The following HECW1 variants were observed in gnomAD, a reference collection of about 807,000 sequenced individuals.
The protein encoded by HECW1 is HECT, C2 and WW domain containing E3 ubiquitin protein ligase 1.
In HECW1, 61 loss-of-function variants were observed where a neutral mutation model predicts 182.3. The observed-to-expected ratio is 0.33, with a 90% CI of 0.27 to 0.41. The LOEUF is 0.41. Ranked by LOEUF, HECW1 falls within the 10% of genes least tolerant of loss-of-function variation. The pLI is 1.00. For missense variants in HECW1, 1,739 were observed against 2,108.9 expected (o/e 0.82, Z 3.44); for synonymous variants, 859 against 832.6 (o/e 1.03, Z -0.55).
intron 3 of HECW1, among the ~76,000 whole-genome samples, chr7:43,293,219 C>CAAAAA (rs34748611): frequency 2.1e-4 from 16 of 76,096 alleles, no homozygotes; most frequent in Admixed American, 4.1e-4. Flanking sequence ...GACTATGTCT[C>CAAAAA]AAAAAAAAAA....
chr7:43,469,738 C>T (rs1394476513), intron 16 of HECW1, among the ~76,000 whole-genome samples: 2 of 152,182 alleles, frequency 1.3e-5, no homozygotes, highest in African/African-American at 2.4e-5. Context: ...TCAGCCATCT[C>T]GATGTATTCA....
At chr7:43,339,485 C>A (rs1189289375) in intron 5 of HECW1, among the ~76,000 whole-genome samples, 1 of 152,146 alleles carries the variant, frequency 6.6e-6, no homozygotes, top group East Asian at 1.9e-4. Flanking sequence ...AATTTTCTGG[C>A]AAAGGCTGTA....
intron 8 of HECW1, among the ~76,000 whole-genome samples, chr7:43,437,099 C>G (rs1211248748): frequency 1.3e-5 from 2 of 152,184 alleles, no homozygotes; most frequent in African/African-American, 4.8e-5. Flanking sequence ...CCCCTACCAG[C>G]CCACTTCCTG....
intron 3 of HECW1, among the ~76,000 whole-genome samples, chr7:43,264,708 G>A (rs1211179674): frequency 6.6e-6 from 1 of 152,016 alleles, no homozygotes; most frequent in Non-Finnish European, 1.5e-5. Flanking sequence ...GCCAGGTGTG[G>A]TGGCGGGCAC....
chr7:43,288,508 A>G (rs958956953), intron 3 of HECW1, among the ~76,000 whole-genome samples: 5 of 152,164 alleles, frequency 3.3e-5, no homozygotes, highest in African/African-American at 1.2e-4. Context: ...AGGGAAATAT[A>G]CAGACTAGAA....
chr7:43,163,988 G>A (rs1162589977), intron 2 of HECW1, among the ~76,000 whole-genome samples: 1 of 152,232 alleles, frequency 6.6e-6, no homozygotes, highest in African/African-American at 2.4e-5. Context: ...GACAGGAGGT[G>A]GGCAGGAGTT....
At chr7:43,378,989 GGGGGGCGGTGTGCCCTTGC>G (rs2074440380) in intron 6 of HECW1, among the ~76,000 whole-genome samples, 1 of 152,074 alleles carries the variant, frequency 6.6e-6, no homozygotes, top group Non-Finnish European at 1.5e-5. Context: ...ATTGCTTATG[GGGGGGCGGTGTGCCCTTGC>G]TCACACAAGC....
At chr7:43,337,031 T>C (rs549221338) in intron 5 of HECW1, among the ~76,000 whole-genome samples, 8 of 152,334 alleles carry the variant, frequency 5.3e-5, no homozygotes, top group Non-Finnish European at 8.8e-5. Flanking sequence ...TTTTAATTAA[T>C]GATTTCTTTT....
At chr7:43,248,046 A>C (rs1799611904) in intron 3 of HECW1, among the ~76,000 whole-genome samples, 1 of 132,816 alleles carries the variant, frequency 7.5e-6, no homozygotes, top group Non-Finnish European at 1.6e-5. Flanking sequence ...GGAGGGAGGG[A>C]GAGAGGAAGG....
chr7:43,383,331 G>T (rs2074635756), intron 6 of HECW1, among the ~76,000 whole-genome samples: 1 of 152,114 alleles, frequency 6.6e-6, no homozygotes, highest in Non-Finnish European at 1.5e-5. Flanking sequence ...TGGTATTTCT[G>T]GTTCTAGATC....
At chr7:43,500,831 T>A (rs766385400) in intron 20 of HECW1, 49 bp downstream of exon 20, 17 of 1,464,804 alleles carry the variant, frequency 1.2e-5, no homozygotes, top group Non-Finnish European at 1.5e-5. Flanking sequence ...CCTGGGCAGC[T>A]CTCCTCCATC....
chr7:43,555,876 G>A (rs1193947031), intron 29 of HECW1, among the ~76,000 whole-genome samples: 1 of 151,032 alleles, frequency 6.6e-6, no homozygotes, highest in Non-Finnish European at 1.5e-5. Flanking sequence ...AAGAAAAGAA[G>A]ACTAAAAAGG....
intron 24 of HECW1, among the ~76,000 whole-genome samples, chr7:43,515,044 A>G (rs1031232744): frequency 2.6e-5 from 4 of 152,222 alleles, no homozygotes; most frequent in African/African-American, 9.6e-5. Flanking sequence ...CCTCTATTAT[A>G]GTGCTTATCA....
Position 43,407,678 on chromosome 7 carries a change from G to A in HECW1, c.748G>A (p.Glu250Lys). The stretch of plus-strand genomic sequence containing the variant: ...CCCCGCCCTCCCTCACCATGGACAG[G>A]AGAGGAGATCCAAGATCATAGGCAA... ...IFPALPHHGQ[E>K]RRSKIIGNTV... Residue 250 changes from glutamate (E) to lysine (K), a missense_variant, in exon 8 of 30, where the codon GAG (glutamate) becomes AAG (lysine). Glu to Lys is a moderately conservative substitution (Grantham distance 56). Transcript: ENST00000395891. 2 of 1,614,046 alleles carry A rather than the reference G, an allele frequency of 1.2e-6. No homozygotes were observed. Among genetic ancestry groups the A allele is most frequent in the Non-Finnish European group, 1.7e-6 (2 of 1,179,994 alleles).
intron 26 of HECW1, among the ~76,000 whole-genome samples, chr7:43,546,744 G>A (rs1452240919): frequency 6.6e-6 from 1 of 152,144 alleles, no homozygotes; most frequent in East Asian, 1.9e-4. Flanking sequence ...CTTTCTTGTT[G>A]GCAGCTGGTG....
intron 22 of HECW1, among the ~76,000 whole-genome samples, chr7:43,507,649 A>T (rs995143855): frequency 1.1e-4 from 17 of 152,218 alleles, no homozygotes; most frequent in South Asian, 1.0e-3. Flanking sequence ...GTAACTTTGT[A>T]ATTGAAGTCT....
At chr7:43,458,641 A>G (rs180897599) in intron 13 of HECW1, among the ~76,000 whole-genome samples, 1 of 152,362 alleles carries the variant, frequency 6.6e-6, no homozygotes, top group Admixed American at 6.5e-5. Flanking sequence ...TAACCTTCAG[A>G]TAAGTATCCA....
chr7:43,427,548 G>A (rs567740196), intron 8 of HECW1, among the ~76,000 whole-genome samples: 2 of 152,228 alleles, frequency 1.3e-5, no homozygotes, highest in East Asian at 3.9e-4. Context: ...CCCTAATTTA[G>A]ACTACTGCGT....
At chr7:43,386,121 C>T (rs574826100) in intron 6 of HECW1, among the ~76,000 whole-genome samples, 1 of 152,340 alleles carries the variant, frequency 6.6e-6, no homozygotes, top group Non-Finnish European at 1.5e-5. Flanking sequence ...CTCCATCTTC[C>T]AGCCTGCAAT....
Sources: gnomAD v4.1 joint callset for allele counts (sites outside exome capture counted in the v4.1 genomes callset) on GRCh38, gnomAD v4.1.1 for gene constraint, MANE v1.5 for transcripts, NCBI Gene and HGNC (gene_info 2026-07-23, HGNC 2026-07-21) for gene names.